The following RALYL variants were observed in gnomAD, a reference collection of about 807,000 sequenced individuals.
RALYL encodes RNA-binding Raly-like protein.
RALYL carries 29 observed loss-of-function variants against 35.1 expected under a neutral mutation model. That is an observed-to-expected ratio of 0.83 (90% CI 0.61 to 1.13). RALYL has a LOEUF of 1.13. Ranked by LOEUF, RALYL falls within the 50% of genes most tolerant of loss-of-function variation. The pLI, the probability that RALYL is intolerant of heterozygous loss-of-function variation, is 0.00. For missense variants in RALYL, 359 were observed against 360.4 expected (o/e 1.00, Z 0.03); for synonymous variants, 120 against 127.6 (o/e 0.94, Z 0.40).
At chr8:84,537,799 G>A (rs1447703707) in intron 2 of RALYL, among the ~76,000 whole-genome samples, 1 of 152,036 alleles carries the variant, frequency 6.6e-6, no homozygotes, top group Admixed American at 6.6e-5. Flanking sequence ...ACAAATAAGG[G>A]GAATTCTATA....
intron 2 of RALYL, among the ~76,000 whole-genome samples, chr8:84,714,964 C>T (rs1314842577): frequency 2.0e-5 from 3 of 147,016 alleles, no homozygotes; most frequent in Non-Finnish European, 3.1e-5. Flanking sequence ...GTTAAACTTC[C>T]TACAAAAAAA....
chr8:84,798,830 A>T (rs964115489), intron 3 of RALYL, among the ~76,000 whole-genome samples: 1 of 152,220 alleles, frequency 6.6e-6, no homozygotes, highest in Non-Finnish European at 1.5e-5. Flanking sequence ...AGCACAAGAG[A>T]AAAAGCAGGA....
At chr8:84,766,191 G>A (rs1813911004) in intron 2 of RALYL, among the ~76,000 whole-genome samples, 1 of 152,098 alleles carries the variant, frequency 6.6e-6, no homozygotes, top group South Asian at 2.1e-4. Context: ...TCATAAAGCA[G>A]TATCCTAGAG....
chr8:84,506,791 G>T (rs1391200734), intron 1 of RALYL, among the ~76,000 whole-genome samples: 1 of 151,766 alleles, frequency 6.6e-6, no homozygotes, highest in Non-Finnish European at 1.5e-5. Flanking sequence ...ATTTTACCTG[G>T]TTGAAATATT....
At chr8:84,315,409 G>T (rs189381125) in intron 1 of RALYL, among the ~76,000 whole-genome samples, 14 of 151,954 alleles carry the variant, frequency 9.2e-5, no homozygotes, top group Admixed American at 3.3e-4. Context: ...AAAGAACAAA[G>T]AACATTTGTA....
chr8:84,361,908 GT>G (rs1853124509), intron 1 of RALYL, among the ~76,000 whole-genome samples: 1 of 152,134 alleles, frequency 6.6e-6, no homozygotes, highest in Non-Finnish European at 1.5e-5. Context: ...AGAGTGAGAA[GT>G]TTATTTTCAC....
chr8:84,502,385 C>T (rs1306682734), intron 1 of RALYL, among the ~76,000 whole-genome samples: 2 of 151,966 alleles, frequency 1.3e-5, no homozygotes, highest in Admixed American at 6.6e-5. Flanking sequence ...GTCTATAAAT[C>T]CCAAGCATCC....
chr8:84,462,600 C>CTTTTTTTTT (rs754020253), intron 1 of RALYL, among the ~76,000 whole-genome samples: 1 of 103,038 alleles, frequency 9.7e-6, no homozygotes. Flanking sequence ...TATCTAGATT[C>CTTTTTTTTT]ATTTTTTTTT....
intron 2 of RALYL, among the ~76,000 whole-genome samples, chr8:84,688,275 A>G (rs1837255342): frequency 6.6e-6 from 1 of 152,100 alleles, no homozygotes; most frequent in Non-Finnish European, 1.5e-5. Context: ...TTAGGTGACA[A>G]AATAACAGGA....
chr8:84,566,247 TATA>T (rs2061775080), intron 2 of RALYL, among the ~76,000 whole-genome samples: 1 of 151,644 alleles, frequency 6.6e-6, no homozygotes, highest in Admixed American at 6.6e-5. Flanking sequence ...TAAACTACAT[TATA>T]ATAATATTAT....
chr8:84,395,855 C>A (rs77361614), intron 1 of RALYL, among the ~76,000 whole-genome samples: 4,962 of 151,890 alleles, frequency 0.033, 128 homozygotes, highest in Middle Eastern at 0.054. Flanking sequence ...AACTTCCTTT[C>A]CTAGGGATGT....
chr8:84,410,139 A>C (rs2043955489), intron 1 of RALYL, among the ~76,000 whole-genome samples: 1 of 151,962 alleles, frequency 6.6e-6, no homozygotes, highest in South Asian at 2.1e-4. Flanking sequence ...ATTGTTAAAC[A>C]TGAAAAATAC....
chr8:84,289,219 G>T (rs915463654), intron 1 of RALYL, among the ~76,000 whole-genome samples: 1 of 152,198 alleles, frequency 6.6e-6, no homozygotes, highest in Non-Finnish European at 1.5e-5. Flanking sequence ...ATTTGAAAGA[G>T]ATGGCTGCCA....
intron 1 of RALYL, among the ~76,000 whole-genome samples, chr8:84,359,567 TTGTC>T (rs928278923): frequency 6.6e-6 from 1 of 152,122 alleles, no homozygotes; most frequent in African/African-American, 2.4e-5. Flanking sequence ...TACATGTTCT[TTGTC>T]TAATCACTTT....
chr8:84,597,786 G>A lies in RALYL; in HGVS notation c.256+68209G>A, dbSNP rs1022022597. ...GGTTTATTGGAACACAGCCACACTC[G>A]TTTCTTTATGTCCTGTCCATGGGTG... is the stretch of plus-strand genomic sequence containing the variant. On this transcript the variant is annotated intron_variant, in intron 2 of 8. Coordinates refer to ENST00000521268, the MANE Select transcript of RALYL (RefSeq NM_173848.7). Among the ~76,000 whole-genome samples, 11 of 152,050 alleles carry A rather than the reference G, an allele frequency of 7.2e-5. No individual in the cohort carries two copies. The East Asian group carries it at 9.7e-4, about 13-fold the overall frequency.
intron 1 of RALYL, among the ~76,000 whole-genome samples, chr8:84,374,461 T>C (rs533369548): frequency 3.3e-5 from 5 of 152,054 alleles, no homozygotes; most frequent in South Asian, 2.1e-4. Context: ...AGCAAAGACA[T>C]GGAATCAGCC....
chr8:84,861,593 AC>A lies in RALYL; in HGVS notation c.414-702del, dbSNP rs559790598. Among the ~76,000 whole-genome samples the A allele has an allele frequency of 1.7e-3, 263 of 152,316 alleles. 2 individuals are homozygous for A. Among genetic ancestry groups the A allele is most frequent in the Middle Eastern group, 6.8e-3 (2 of 294 alleles). The stretch of plus-strand genomic sequence containing the variant: ...TCTCTAGTCTCAATTTGCAAATCTA[AC>A]AAATGGTCAGAATAATTAAAAGATA... On this transcript the variant is annotated intron_variant, in intron 5 of 8. Coordinates refer to ENST00000521268, the MANE Select transcript of RALYL (RefSeq NM_173848.7).
At chr8:84,393,415 T>C (rs1369219951) in intron 1 of RALYL, among the ~76,000 whole-genome samples, 1 of 151,916 alleles carries the variant, frequency 6.6e-6, no homozygotes, top group Non-Finnish European at 1.5e-5. Context: ...GAAAAGGCAA[T>C]AGATGGTCAG....
intron 2 of RALYL, among the ~76,000 whole-genome samples, chr8:84,758,957 C>CTA (rs1336949398): frequency 2.0e-5 from 3 of 152,152 alleles, no homozygotes; most frequent in Non-Finnish European, 4.4e-5. Context: ...ATTAGTAGGG[C>CTA]TATATTCCTT....
Sources: gnomAD v4.1 joint callset for allele counts (sites outside exome capture counted in the v4.1 genomes callset) on GRCh38, gnomAD v4.1.1 for gene constraint, MANE v1.5 for transcripts, NCBI Gene and HGNC (gene_info 2026-07-23, HGNC 2026-07-21) for gene names.